PPP4R3B: variants seen among roughly 807,000 people sequenced by gnomAD.
The protein encoded by PPP4R3B is protein phosphatase 4 regulatory subunit 3B.
In PPP4R3B, 52 loss-of-function variants were observed where a neutral mutation model predicts 95.4. That is an observed-to-expected ratio of 0.54 (90% CI 0.44 to 0.69). The LOEUF is 0.69. PPP4R3B is among the 30% of genes least tolerant of loss of function. The pLI is 0.00. For missense variants in PPP4R3B, 1,003 were observed against 1,005.9 expected, an observed-to-expected ratio of 1.00 and a Z score of 0.04; for synonymous variants, 407 against 343.9, an observed-to-expected ratio of 1.18 and a Z score of -2.03.
chr2:55,600,496 C>T (rs1439229892), intron 3 of PPP4R3B, among the ~76,000 whole-genome samples: 4 of 132,936 alleles, frequency 3.0e-5, no homozygotes, highest in African/African-American at 5.6e-5. Context: ...AGTAATATGG[C>T]GCTTACTGAA....
intron 11 of PPP4R3B, among the ~76,000 whole-genome samples, chr2:55,575,596 C>T (rs927103708): frequency 6.6e-6 from 1 of 152,108 alleles, no homozygotes; most frequent in Non-Finnish European, 1.5e-5. Flanking sequence ...CAGGGATATA[C>T]CACCATGCCC....
intron 2 of PPP4R3B, among the ~76,000 whole-genome samples, chr2:55,612,716 G>A (rs192648634): frequency 7.2e-4 from 109 of 152,120 alleles, no homozygotes; most frequent in Non-Finnish European, 1.0e-3. Flanking sequence ...GGGCCGAGGC[G>A]GGCGGATCAC....
intron 11 of PPP4R3B, among the ~76,000 whole-genome samples, chr2:55,574,202 C>T (rs963544076): frequency 3.3e-5 from 5 of 151,538 alleles, no homozygotes; most frequent in African/African-American, 1.2e-4. Flanking sequence ...CTATTTCCTC[C>T]ATTTTCATAT....
Position 55,558,856 on chromosome 2 carries a change from T to G in PPP4R3B, c.2373A>C (p.Val791=), listed in dbSNP as rs1400385518. 6.2e-7 allele frequency: 1 copy of G among 1,613,970 alleles called. No individual in the cohort carries two copies. The highest frequency in any genetic ancestry group is 1.3e-5 in the African/African-American group (1 of 74,924). ...SAANGTNSKS[V]VAQIPPATSN... ...AAGTTGCTGGTGGTATCTGAGCCACTACAGATTTACTGTTTGTTCCATTAG... is the reference window on the plus strand; with the variant it reads ...AAGTTGCTGGTGGTATCTGAGCCACGACAGATTTACTGTTTGTTCCATTAG... The change falls in exon 16 of 17, where the codon GTA becomes GTC. Residue 791 remains valine, a synonymous_variant. Coordinates refer to ENST00000616407, the MANE Select transcript of PPP4R3B (RefSeq NM_001122964.3).
intron 11 of PPP4R3B, 145 bp downstream of exon 11, chr2:55,577,170 A>G: frequency 1.0e-6 from 1 of 994,366 alleles, no homozygotes; most frequent in Non-Finnish European, 1.4e-6. Flanking sequence ...TATTGGAGAT[A>G]GTGGAATTAC....
rs1248706014 is a variant in PPP4R3B at position 55,578,316 on chromosome 2, T to C, written c.1495A>G (p.Ser499Gly). 6.2e-6 allele frequency: 9 copies of C among 1,458,338 alleles called. No homozygotes were observed. Among genetic ancestry groups the C allele is most frequent in the African/African-American group, 1.4e-5 (1 of 69,338 alleles). 90.3% of individuals were successfully genotyped at this position (1,458,338 alleles called of 1,614,324 possible). The change falls in exon 10 of 17, where the codon AGT (serine) becomes GGT (glycine). Residue 499 changes from serine (S) to glycine (G), a missense_variant. Coordinates refer to ENST00000616407, the MANE Select transcript of PPP4R3B (RefSeq NM_001122964.3). Reference protein sequence around the residue: ...KDFFLKHYRYSWSFICTPSHS... With the variant: ...KDFFLKHYRYGWSFICTPSHS... The stretch of plus-strand genomic sequence containing the variant: ...GAAGGGGTACATATGAAACTCCAAC[T>C]ATATCTGTAATGTTTTAAAAAAAAA...
chr2:55,598,537 T>C lies in PPP4R3B; in HGVS notation c.800A>G (p.Tyr267Cys). 1 of 1,614,188 alleles carries C rather than the reference T, an allele frequency of 6.2e-7. No individual in the cohort carries two copies. The highest frequency in any genetic ancestry group is 8.5e-7 in the Non-Finnish European group (1 of 1,180,022). Residue 267 changes from tyrosine (Y) to cysteine (C), a missense_variant, in exon 4 of 17, where the codon TAC becomes TGC. Physicochemically the swap from Tyr to Cys is radical, Grantham distance 194. Transcript: ENST00000616407. ...GATGTCCTGAATGTACTGTACCCTG[T>C]AAGTCTGATGTATTTTTTGCCTTAG... ...SELRQKIHQT[Y>C]RVQYIQDIIL...
At chr2:55,603,739 T>G (rs1692987456) in intron 3 of PPP4R3B, among the ~76,000 whole-genome samples, 1 of 152,224 alleles carries the variant, frequency 6.6e-6, no homozygotes, top group Non-Finnish European at 1.5e-5. Context: ...ATATAAGGTA[T>G]TAATTATGAG....
chr2:55,553,606 C>T lies in PPP4R3B; in HGVS notation c.2455-3600G>A, dbSNP rs545339366. Reference sequence around the variant, plus strand: ...TCCCCATAAACAGTCCTCATTCCCCCACCACCCCCCACACCACCCAGCTCT... The same window carrying T: ...TCCCCATAAACAGTCCTCATTCCCCTACCACCCCCCACACCACCCAGCTCT... On this transcript the variant is annotated intron_variant, in intron 16 of 16. Transcript: ENST00000616407. Among the ~76,000 whole-genome samples the T allele has an allele frequency of 1.2e-4, 19 of 152,196 alleles. No homozygotes were observed. In the South Asian group the frequency reaches 3.9e-3, roughly 32 times the overall value.
intron 15 of PPP4R3B, 100 bp downstream of exon 15, chr2:55,564,213 T>C: frequency 9.0e-7 from 1 of 1,105,574 alleles, no homozygotes. Context: ...ATTTTTGTCT[T>C]TCTTGCTTTG....
Position 55,549,960 on chromosome 2 carries a change from T to C in PPP4R3B, c.2501A>G (p.Asp834Gly), listed in dbSNP as rs2103721103. 1 of 1,613,546 alleles carries C rather than the reference T, an allele frequency of 6.2e-7. No homozygotes were observed. The highest frequency in any genetic ancestry group is 1.3e-5 in the African/African-American group (1 of 75,030). The change falls in exon 17 of 17, where the codon GAT becomes GGT. Residue 834 changes from aspartate to glycine, a missense_variant. Asp to Gly is a moderately conservative substitution (Grantham distance 94). This residue lies in a region of PPP4R3B where 229 missense variants were observed against 194.7 expected (regional missense o/e 1.18). Coordinates refer to ENST00000616407, the MANE Select transcript of PPP4R3B (RefSeq NM_001122964.3). The stretch of plus-strand genomic sequence containing the variant: ...CCTGGGGGACGATTCTTCTTCTTCA[T>C]CTTCCTCTTCATCATCTGGATAATC... ...LVDYPDDEEEDEEEESSPRKR... is the reference protein window; with the variant it reads ...LVDYPDDEEEGEEEESSPRKR...
chr2:55,613,809 T>TAAA (rs200188103), intron 2 of PPP4R3B, among the ~76,000 whole-genome samples: 52 of 141,884 alleles, frequency 3.7e-4, no homozygotes, highest in South Asian at 2.9e-3. Context: ...GGAAATATGG[T>TAAA]AAAAAAAAAA....
intron 7 of PPP4R3B, 88 bp downstream of exon 7, chr2:55,584,963 A>C (rs1689946664): frequency 9.9e-7 from 1 of 1,012,574 alleles, no homozygotes; most frequent in Admixed American, 2.6e-5. Flanking sequence ...AGAAAGATTA[A>C]GATTATGTTA....
chr2:55,555,288 A>AAAT (rs1473170258), intron 16 of PPP4R3B, among the ~76,000 whole-genome samples: 1 of 150,868 alleles, frequency 6.6e-6, no homozygotes, highest in Non-Finnish European at 1.5e-5. Flanking sequence ...TAAAAAAAAA[A>AAAT]AAAAAAAAAG....
At chr2:55,579,075 A>C (rs1350725265) in intron 9 of PPP4R3B, among the ~76,000 whole-genome samples, 2 of 152,120 alleles carry the variant, frequency 1.3e-5, no homozygotes, top group Admixed American at 1.3e-4. Flanking sequence ...CTAAAACCAA[A>C]GGATTCTGCA....
intron 4 of PPP4R3B, among the ~76,000 whole-genome samples, chr2:55,596,435 C>T (rs187218840): frequency 7.9e-5 from 12 of 152,234 alleles, no homozygotes; most frequent in Admixed American, 4.6e-4. Flanking sequence ...ATGTTTTCTA[C>T]GATTTGACAT....
intron 4 of PPP4R3B, among the ~76,000 whole-genome samples, chr2:55,594,133 C>A (rs6745430): frequency 0.23 from 34,254 of 151,780 alleles, 4,690 homozygotes; most frequent in African/African-American, 0.38. Flanking sequence ...ATAACAGACA[C>A]TGGGAACTCC....
chr2:55,565,440 G>T (rs1428340075), intron 13 of PPP4R3B, among the ~76,000 whole-genome samples: 6 of 151,874 alleles, frequency 4.0e-5, no homozygotes, highest in Non-Finnish European at 8.8e-5. Context: ...CAAAATTGAG[G>T]CTCTAAGAGA....
At chr2:55,583,248 T>C (rs1169725471) in intron 7 of PPP4R3B, among the ~76,000 whole-genome samples, 3 of 152,158 alleles carry the variant, frequency 2.0e-5, no homozygotes, top group Non-Finnish European at 4.4e-5. Context: ...GGATTTTTTT[T>C]GGTAATTAAT....
Sources: gnomAD v4.1 joint callset for allele counts (sites outside exome capture counted in the v4.1 genomes callset) on GRCh38, gnomAD v4.1.1 for gene constraint, gnomAD v4.1.1 regional missense constraint, MANE v1.5 for transcripts, NCBI Gene and HGNC (gene_info 2026-07-23, HGNC 2026-07-21) for gene names.